FARP1: variants seen among roughly 807,000 people sequenced by gnomAD.
FARP1 encodes the protein FERM, ARHGEF and pleckstrin domain-containing protein 1.
A neutral mutation model predicts 128.8 loss-of-function variants in FARP1; 52 were observed. The ratio of observed to expected loss-of-function variants is 0.40; its 90% CI spans 0.32 to 0.51. The LOEUF is 0.51. Among genes scored for constraint, FARP1 ranks in the 20% least tolerant of loss-of-function variants. The pLI is 0.45. For missense variants in FARP1, 1,333 were observed against 1,367.9 expected, an observed-to-expected ratio of 0.97 and a Z score of 0.40; for synonymous variants, 580 against 551.8, an observed-to-expected ratio of 1.05 and a Z score of -0.72.
intron 1 of FARP1, among the ~76,000 whole-genome samples, chr13:98,146,254 G>C (rs1249024116): frequency 1.3e-5 from 2 of 151,728 alleles, no homozygotes; most frequent in Admixed American, 1.3e-4. Flanking sequence ...TTGAGATGGA[G>C]TTTTGCTCTT....
rs646167 is a variant in FARP1, at chr13:98,342,444, G to A, written c.172-1318G>A. On this transcript the variant is annotated intron_variant, in intron 2 of 26. Coordinates refer to ENST00000319562, the MANE Select transcript of FARP1 (RefSeq NM_005766.4). Reference sequence around the variant, plus strand: ...CTGGGTACGGTGGCTCGTACCTGTAGTCCCAGCACTTTGGGAGGCTGAGGC... The same window carrying A: ...CTGGGTACGGTGGCTCGTACCTGTAATCCCAGCACTTTGGGAGGCTGAGGC... Among the ~76,000 whole-genome samples the A allele has an allele frequency of 2.9e-3, 441 of 152,096 alleles. 2 individuals are homozygous for A. Among genetic ancestry groups the A allele is most frequent in the Non-Finnish European group, 4.9e-3 (334 of 67,984 alleles).
At chr13:98,373,900 A>G (rs1889465001) in intron 5 of FARP1, among the ~76,000 whole-genome samples, 1 of 152,196 alleles carries the variant, frequency 6.6e-6, no homozygotes, top group South Asian at 2.1e-4. Context: ...AATCAAAAAT[A>G]CCCTTTCATT....
At chr13:98,259,535 C>G (rs1310947046) in intron 2 of FARP1, among the ~76,000 whole-genome samples, 2 of 152,266 alleles carry the variant, frequency 1.3e-5, no homozygotes, top group East Asian at 3.9e-4. Flanking sequence ...AGCAGGGGAC[C>G]AGTGTTTTGC....
At chr13:98,379,034 T>A (rs1341920416) in intron 6 of FARP1, among the ~76,000 whole-genome samples, 1 of 85,642 alleles carries the variant, frequency 1.2e-5, no homozygotes, top group Admixed American at 1.5e-4. Context: ...ATATATATAA[T>A]ATATACAATA....
chr13:98,164,412 A>G (rs1453071315), intron 1 of FARP1, among the ~76,000 whole-genome samples: 1 of 152,236 alleles, frequency 6.6e-6, no homozygotes, highest in Non-Finnish European at 1.5e-5. Flanking sequence ...TCTAGTTTGA[A>G]AGAGTCAGAG....
intron 2 of FARP1, among the ~76,000 whole-genome samples, chr13:98,300,121 A>G (rs930601889): frequency 6.6e-6 from 1 of 152,242 alleles, no homozygotes; most frequent in African/African-American, 2.4e-5. Flanking sequence ...GAATTTGGCC[A>G]CACCCTTTCC....
In FARP1 at chr13:98,446,677, C is replaced by G. The variant is rs1048727877; in HGVS notation, c.2916C>G (p.Pro972=). 9 of 1,614,122 alleles carry G rather than the reference C, an allele frequency of 5.6e-6. No individual in the cohort carries two copies. Among genetic ancestry groups the G allele is most frequent in the Admixed American group, 1.7e-5 (1 of 60,016 alleles). Residue 972 remains proline (P), a synonymous_variant, in exon 26 of 27, where the codon CCC becomes CCG. Coordinates refer to ENST00000319562, the MANE Select transcript of FARP1 (RefSeq NM_005766.4). ...TTTCCCCTTTCCAGGACAATCATCC[C>G]CTTGCCAGCCTGCCTCTGCTCGGCT... ...FFYKSHQDNH[P]LASLPLLGYS...
rs544833336 is a variant in FARP1 at position 98,396,665 on chromosome 13, A to G, written c.1414+1189A>G. ...CTGACTTCTAAAATCGTTAAGAAAA[A>G]CAAAACTTCACATAAGTGGCTTGCT... On this transcript the variant is annotated intron_variant, in intron 13 of 26. Transcript: ENST00000319562. 16 of 395,940 alleles carry G rather than the reference A, an allele frequency of 4.0e-5. 2 individuals carry two copies. The South Asian group carries it at 2.3e-3, about 57-fold the overall frequency. The allele number at this position is 395,940 out of a possible 1,614,324, so 24.5% of individuals were successfully genotyped here.
rs1169687395 is a variant in FARP1, at chr13:98,411,963, C to A, written c.1755C>A (p.Phe585Leu). ...CGGAAGCACTGAAAAGTCTCATATT[C>A]CCGAATTTTGAACCTTTGCACAAAT... The part of the protein sequence containing the change: ...AMPEALKSLI[F>L]PNFEPLHKFH... Residue 585 changes from phenylalanine (F) to leucine (L), a missense_variant, in exon 16 of 27, where the codon TTC (phenylalanine) becomes TTA (leucine). Physicochemically the swap from Phe to Leu is conservative, Grantham distance 22. This residue lies in a region of FARP1 where 1,009 missense variants were observed against 969.8 expected (regional missense o/e 1.04). Transcript: ENST00000319562. 2.6e-5 allele frequency: 42 copies of A among 1,613,802 alleles called. No individual in the cohort carries two copies. The highest frequency in any genetic ancestry group is 3.3e-5 in the Non-Finnish European group (39 of 1,179,806).
At chr13:98,207,172 C>T (rs1453464885) in intron 1 of FARP1, among the ~76,000 whole-genome samples, 4 of 152,116 alleles carry the variant, frequency 2.6e-5, no homozygotes, top group African/African-American at 9.7e-5. Flanking sequence ...TTTCCATGTA[C>T]AGCAACAGTC....
In FARP1 at chr13:98,410,792, C is replaced by G. The variant is rs1891161890; in HGVS notation, c.1661C>G (p.Thr554Arg). ...AAGGAAGTGTCTACCACCGAGCGAA[C>G]ATATCTGAAGGATCTCGAAGTTATC... ...IAKEVSTTER[T>R]YLKDLEVITS... Residue 554 changes from threonine to arginine, a missense_variant, in exon 15 of 27, where the codon ACA becomes AGA. Physicochemically the swap from Thr to Arg is moderately conservative, Grantham distance 71. Around this residue, in one of 2 missense-constraint regions of FARP1, gnomAD observed 1,009 missense variants for 969.8 expected, o/e 1.04. Transcript: ENST00000319562. 1 of 1,601,262 alleles carries G rather than the reference C, an allele frequency of 6.2e-7. No individual in the cohort carries two copies. Among genetic ancestry groups the G allele is most frequent in the Non-Finnish European group, 8.5e-7 (1 of 1,170,564 alleles).
rs61730891 is a variant in FARP1 at position 98,431,050 on chromosome 13, C to T, written c.1913C>T (p.Ala638Val). ...LKNIQGMKHLAAHLWKHSEAL... is the reference protein window; with the variant it reads ...LKNIQGMKHLVAHLWKHSEAL... ...CCTCTGTTGCCTCCCAAGCACCTGGCGGCTCACCTGTGGAAGCACAGCGAG... is the reference window on the plus strand; with the variant it reads ...CCTCTGTTGCCTCCCAAGCACCTGGTGGCTCACCTGTGGAAGCACAGCGAG... The change falls in exon 18 of 27, where the codon GCG becomes GTG. Residue 638 changes from alanine (A) to valine (V), a missense_variant. Physicochemically the swap from Ala to Val is moderately conservative, Grantham distance 64 (BLOSUM62 0). Transcript: ENST00000319562. 3,121 of 1,611,532 alleles carry T rather than the reference C, an allele frequency of 1.9e-3. 2 individuals are homozygous for T. The highest frequency in any genetic ancestry group is 2.5e-3 in the Non-Finnish European group (2,918 of 1,178,066).
chr13:98,157,084 C>T (rs76498567), intron 1 of FARP1, among the ~76,000 whole-genome samples: 1,886 of 152,240 alleles, frequency 0.012, 16 homozygotes, highest in Non-Finnish European at 0.021. Flanking sequence ...ACTGCATCAC[C>T]GCCTCTTTAT....
At chr13:98,272,993 T>C (rs1884460296) in intron 2 of FARP1, among the ~76,000 whole-genome samples, 1 of 152,152 alleles carries the variant, frequency 6.6e-6, no homozygotes, top group African/African-American at 2.4e-5. Context: ...TATGAGAGAC[T>C]GGGAAACGTA....
In FARP1 at chr13:98,454,057, T is replaced by A. The variant is rs188387308; in HGVS notation, c.*5740T>A. ...ATTTGGGATATTCAGCCTGTATATG[T>A]GCACTATATAAGTATATTTACATGA... On this transcript the variant is annotated 3_prime_UTR_variant, in exon 27 of 27. Transcript: ENST00000319562. 2.0e-5 allele frequency: 3 copies of A among 152,298 alleles called. No individual in the cohort carries two copies. The highest frequency in any genetic ancestry group is 7.2e-5 in the African/African-American group (3 of 41,568). 9.4% of individuals were successfully genotyped at this position (152,298 alleles called of 1,614,324 possible). A position where few individuals can be genotyped will look rare whatever the true frequency, so the allele number is the denominator to read the frequency against.
At chr13:98,392,570 A>G (rs563598851) in intron 11 of FARP1, among the ~76,000 whole-genome samples, 13 of 151,854 alleles carry the variant, frequency 8.6e-5, no homozygotes, top group African/African-American at 3.1e-4. Context: ...GTACTCCCAT[A>G]TATAATTCTG....
intron 2 of FARP1, among the ~76,000 whole-genome samples, chr13:98,289,214 A>G (rs1234433272): frequency 6.6e-6 from 1 of 152,138 alleles, no homozygotes; most frequent in Non-Finnish European, 1.5e-5. Flanking sequence ...GTGCTCACGG[A>G]CACATTAATC....
chr13:98,299,105 T>C (rs1005529666), intron 2 of FARP1, among the ~76,000 whole-genome samples: 2 of 152,180 alleles, frequency 1.3e-5, no homozygotes, highest in African/African-American at 2.4e-5. Flanking sequence ...ATTGATTATA[T>C]TTAAAAAATA....
chr13:98,408,285 T>C (rs1891053047), intron 13 of FARP1, among the ~76,000 whole-genome samples: 1 of 151,608 alleles, frequency 6.6e-6, no homozygotes, highest in African/African-American at 2.4e-5. Context: ...CCTATACATA[T>C]CATCTCCCTT....
Sources: gnomAD v4.1 joint callset for allele counts (sites outside exome capture counted in the v4.1 genomes callset) on GRCh38, gnomAD v4.1.1 for gene constraint, gnomAD v4.1.1 regional missense constraint, MANE v1.5 for transcripts, NCBI Gene and HGNC (gene_info 2026-07-23, HGNC 2026-07-21) for gene names.